RSPRY1: variants seen among roughly 807,000 people sequenced by gnomAD.
The protein encoded by RSPRY1 is RING finger and SPRY domain-containing protein 1.
Under a neutral mutation model 73.1 loss-of-function variants are expected in RSPRY1, and 23 were observed. The observed-to-expected ratio is 0.31, with a 90% CI of 0.23 to 0.45. The LOEUF is 0.45. RSPRY1 is among the 20% of genes least tolerant of loss of function. The pLI is 1.00. For synonymous variants in RSPRY1, 226 were observed against 251.4 expected, an observed-to-expected ratio of 0.90 and a Z score of 0.95; for missense variants, 448 against 698.7, an observed-to-expected ratio of 0.64 and a Z score of 4.05.
chr16:57,218,279 G>A (rs1157399424), intron 8 of RSPRY1, among the ~76,000 whole-genome samples: 1 of 152,108 alleles, frequency 6.6e-6, no homozygotes, highest in Non-Finnish European at 1.5e-5. Flanking sequence ...GTCCCCTCAA[G>A]CATTTATCAT....
chr16:57,224,776 A>G (rs1295136421), intron 10 of RSPRY1, among the ~76,000 whole-genome samples: 1 of 152,152 alleles, frequency 6.6e-6, no homozygotes, highest in East Asian at 1.9e-4. Flanking sequence ...CTACAGTGCC[A>G]CTCTGTTGTG....
intron 1 of RSPRY1, among the ~76,000 whole-genome samples, chr16:57,195,652 T>C (rs1377431834): frequency 6.6e-6 from 1 of 151,918 alleles, no homozygotes; most frequent in East Asian, 1.9e-4. Context: ...TGTATTTAAA[T>C]TGTGTGACTA....
At chr16:57,224,169 TAGGGAAACG>T (rs772359618) in intron 10 of RSPRY1, among the ~76,000 whole-genome samples, 6 of 152,230 alleles carry the variant, frequency 3.9e-5, no homozygotes, top group Non-Finnish European at 8.8e-5. Context: ...GCCGGTGTTT[TAGGGAAACG>T]ATCTGGCCAG....
intron 14 of RSPRY1, among the ~76,000 whole-genome samples, chr16:57,235,953 T>G (rs1327150532): frequency 6.6e-6 from 1 of 152,222 alleles, no homozygotes; most frequent in Non-Finnish European, 1.5e-5. Context: ...ACGTTTGTTG[T>G]CTTTTGAAAC....
chr16:57,222,340 T>TA (rs1447724969), intron 10 of RSPRY1, among the ~76,000 whole-genome samples: 5 of 152,212 alleles, frequency 3.3e-5, no homozygotes, highest in Admixed American at 2.0e-4. Flanking sequence ...GCCATCCTCT[T>TA]ACCTCAGCCT....
intron 8 of RSPRY1, chr16:57,219,749 AG>A (rs1780907855): frequency 6.6e-6 from 1 of 152,046 alleles, no homozygotes; most frequent in Non-Finnish European, 1.5e-5. Context: ...TGTCCTGGAG[AG>A]TTTCCCCAAT....
At chr16:57,193,491 C>CTTTTTT in intron 1 of RSPRY1, among the ~76,000 whole-genome samples, 1 of 142,286 alleles carries the variant, frequency 7.0e-6, no homozygotes, top group Non-Finnish European at 1.5e-5. Context: ...GTTCTGCAGG[C>CTTTTTT]TTTTTTTTTT....
chr16:57,194,556 C>G (rs140359404), intron 1 of RSPRY1, among the ~76,000 whole-genome samples: 1 of 152,090 alleles, frequency 6.6e-6, no homozygotes. Context: ...TGCTATTTGA[C>G]TTAGCCTTTG....
intron 6 of RSPRY1, among the ~76,000 whole-genome samples, chr16:57,214,321 A>G (rs761762220): frequency 6.6e-6 from 1 of 152,182 alleles, no homozygotes; most frequent in Non-Finnish European, 1.5e-5. Flanking sequence ...CCCAGTATAT[A>G]TAAATCTCTA....
upstream of RSPRY1, chr16:57,186,174 TGGCCAGTCTGCGCCTGGAGGGCGGGCC>T: frequency 1.0e-6 from 1 of 985,774 alleles, no homozygotes; most frequent in East Asian, 1.1e-4. Context: ...GGATGAGGAC[TGGCCAGTCTGCGCCTGGAGGGCGGGCC>T]GGTCCCGCTG....
chr16:57,208,905 T>C (rs1306229084), intron 3 of RSPRY1, among the ~76,000 whole-genome samples, 170 bp from the exon 4 acceptor site: 5 of 152,122 alleles, frequency 3.3e-5, no homozygotes, highest in African/African-American at 1.2e-4. Flanking sequence ...TAAGATGTTT[T>C]TACTCCACCA....
Position 57,213,871 on chromosome 16 carries a change from T to G in RSPRY1, c.644-17T>G, listed in dbSNP as rs1343425974. 1 of 1,552,702 alleles carries G rather than the reference T, an allele frequency of 6.4e-7. No homozygotes were observed. Among genetic ancestry groups the G allele is most frequent in the East Asian group, 2.2e-5 (1 of 44,574 alleles). Reference sequence around the variant, plus strand: ...CTGGCATTTTAATTATATCAAGTGTTTGTTGTATTTGTCTAGGTCCTGCAA... The same window carrying G: ...CTGGCATTTTAATTATATCAAGTGTGTGTTGTATTTGTCTAGGTCCTGCAA... On this transcript the variant is annotated splice_polypyrimidine_tract_variant and intron_variant, in intron 5 of 14. Coordinates refer to ENST00000394420, the MANE Select transcript of RSPRY1 (RefSeq NM_133368.3).
intron 10 of RSPRY1, 97 bp downstream of exon 10, chr16:57,221,512 G>T: frequency 7.6e-7 from 1 of 1,314,028 alleles, no homozygotes; most frequent in Non-Finnish European, 1.0e-6. Flanking sequence ...AAATAGATTT[G>T]CTCAATAATC....
At chr16:57,235,003 C>A in intron 13 of RSPRY1, 121 bp from the exon 14 acceptor site, 1 of 662,002 alleles carries the variant, frequency 1.5e-6, no homozygotes, top group Non-Finnish European at 2.6e-6. Context: ...GAAAACCTTA[C>A]TGAACAAAGT....
chr16:57,221,469 C>T, intron 10 of RSPRY1, 54 bp downstream of exon 10: 5 of 1,535,002 alleles, frequency 3.3e-6, no homozygotes, highest in Non-Finnish European at 4.4e-6. Flanking sequence ...TGCTTTTTCC[C>T]CCTAGTTGGT....
At chr16:57,218,726 T>C (rs1467548405) in intron 8 of RSPRY1, among the ~76,000 whole-genome samples, 3 of 95,472 alleles carry the variant, frequency 3.1e-5, no homozygotes, top group South Asian at 4.6e-4. Flanking sequence ...TTTTCTTTTT[T>C]TTTTTTTTTT....
At chr16:57,213,474 A>G (rs1189928689) in intron 5 of RSPRY1, among the ~76,000 whole-genome samples, 1 of 152,248 alleles carries the variant, frequency 6.6e-6, no homozygotes, top group Non-Finnish European at 1.5e-5. Context: ...GAAGACATAC[A>G]AGGTAGAGGG....
intron 10 of RSPRY1, among the ~76,000 whole-genome samples, chr16:57,221,892 T>C (rs59897690): frequency 0.034 from 5,154 of 152,350 alleles, 294 homozygotes; most frequent in East Asian, 0.23. Flanking sequence ...TATTTATCTT[T>C]TGTTATAGAA....
In RSPRY1 at chr16:57,231,297, G is replaced by A. The variant is rs1353095111; in HGVS notation, c.1507G>A (p.Glu503Lys). 1.2e-6 allele frequency: 2 copies of A among 1,612,414 alleles called. No homozygotes were observed. ...TAATGACTACGCCTTCCTAACAGCT[G>A]AAGAAAAAATCATTTTGCCAAGGTA... is the stretch of plus-strand genomic sequence containing the variant. ...TFNDYAFLTA[E>K]EKIILPRHRR... Residue 503 changes from glutamate (E) to lysine (K), a missense_variant, in exon 13 of 15, where the codon GAA becomes AAA. Coordinates refer to ENST00000394420, the MANE Select transcript of RSPRY1 (RefSeq NM_133368.3).
Sources: gnomAD v4.1 joint callset for allele counts (sites outside exome capture counted in the v4.1 genomes callset) on GRCh38, gnomAD v4.1.1 for gene constraint, MANE v1.5 for transcripts, NCBI Gene and HGNC (gene_info 2026-07-23, HGNC 2026-07-21) for gene names.